STARD13: variants seen among roughly 807,000 people sequenced by gnomAD.
STARD13 encodes stAR-related lipid transfer protein 13.
STARD13 carries 62 observed loss-of-function variants against 106.4 expected under a neutral mutation model. The observed-to-expected ratio is 0.58, with a 90% CI of 0.48 to 0.72. The LOEUF is 0.72. STARD13 is among the 30% of genes least tolerant of loss of function. STARD13 has a pLI of 0.00. For synonymous variants in STARD13, 565 were observed against 553.0 expected (o/e 1.02, Z -0.31); for missense variants, 1,387 against 1,424.0 (o/e 0.97, Z 0.42).
chr13:33,568,328 TTGGGTACCCTGATG>T, the STARD13 span, among the ~76,000 whole-genome samples: 1 of 147,948 alleles, frequency 6.8e-6, no homozygotes, highest in East Asian at 2.0e-4. Flanking sequence ...CTCACGATGC[TTGGGTACCCTGATG>T]TGGTACTACC....
chr13:33,277,378 G>T (rs936291007), intron 1 of STARD13: 1 of 152,154 alleles, frequency 6.6e-6, no homozygotes, highest in African/African-American at 2.4e-5. Context: ...AAAGCAAGCA[G>T]ATTTTACTAA....
At chr13:33,491,786 C>T in the STARD13 span, among the ~76,000 whole-genome samples, 1 of 152,146 alleles carries the variant, frequency 6.6e-6, no homozygotes, top group Admixed American at 6.5e-5. Context: ...GGTTTGAAAC[C>T]TGTTGTCCCA....
the STARD13 span, among the ~76,000 whole-genome samples, chr13:33,432,833 TTAAC>T: frequency 1.1e-4 from 16 of 152,284 alleles, no homozygotes; most frequent in South Asian, 2.9e-3. Context: ...AAAATAAACA[TTAAC>T]TAATCTCAAA....
At chr13:33,208,768 G>A (rs1449144765) in intron 1 of STARD13, among the ~76,000 whole-genome samples, 1 of 152,222 alleles carries the variant, frequency 6.6e-6, no homozygotes, top group Admixed American at 6.5e-5. Context: ...AGAAAGACAT[G>A]TGAGTCCAGG....
At chr13:33,413,759 C>T in the STARD13 span, among the ~76,000 whole-genome samples, 2 of 152,110 alleles carry the variant, frequency 1.3e-5, no homozygotes, top group South Asian at 2.1e-4. Flanking sequence ...AGGCCAGGTG[C>T]GGTGGCTCAT....
the STARD13 span, among the ~76,000 whole-genome samples, chr13:33,436,851 A>G: frequency 3.3e-5 from 5 of 152,196 alleles, no homozygotes; most frequent in Non-Finnish European, 7.3e-5. Flanking sequence ...GACTGAGACC[A>G]GAGGAAAATG....
chr13:33,214,391 G>A (rs1372986627), intron 1 of STARD13, among the ~76,000 whole-genome samples: 4 of 152,158 alleles, frequency 2.6e-5, no homozygotes, highest in Non-Finnish European at 5.9e-5. Flanking sequence ...CAAAGCGTGG[G>A]TGGCCACAAG....
intron 1 of STARD13, chr13:33,205,730 T>C (rs757114728): frequency 2.9e-5 from 13 of 452,098 alleles, no homozygotes; most frequent in Middle Eastern, 1.1e-3. Flanking sequence ...AAACTTTTTA[T>C]ATCAATGACA....
At chr13:33,293,715 C>A (rs1348070061) in intron 1 of STARD13, among the ~76,000 whole-genome samples, 1 of 152,152 alleles carries the variant, frequency 6.6e-6, no homozygotes, top group African/African-American at 2.4e-5. Flanking sequence ...GCCAGCACAG[C>A]TAGAATATAA....
the STARD13 span, among the ~76,000 whole-genome samples, chr13:33,576,900 T>G: frequency 1.1e-4 from 16 of 152,342 alleles, no homozygotes; most frequent in Admixed American, 9.2e-4. Context: ...TTAGTGATTT[T>G]AATAACTTAA....
intron 1 of STARD13, among the ~76,000 whole-genome samples, chr13:33,266,874 A>T (rs1358583201): frequency 6.6e-6 from 1 of 152,258 alleles, no homozygotes; most frequent in Non-Finnish European, 1.5e-5. Context: ...ACACAATCCC[A>T]GAAAAGATCT....
chr13:33,475,430 G>A, the STARD13 span, among the ~76,000 whole-genome samples: 9 of 151,982 alleles, frequency 5.9e-5, no homozygotes, highest in Admixed American at 1.3e-4. Flanking sequence ...TGTGTCCTAC[G>A]CATTTCCAAC....
intron 1 of STARD13, among the ~76,000 whole-genome samples, chr13:33,214,400 A>G (rs1263529579): frequency 6.6e-6 from 1 of 152,196 alleles, no homozygotes; most frequent in African/African-American, 2.4e-5. Context: ...GGTGGCCACA[A>G]GCATTCCTGG....
chr13:33,285,340 T>G, intron 1 of STARD13, 130 bp downstream of exon 1: 2 of 990,372 alleles, frequency 2.0e-6, no homozygotes, highest in South Asian at 3.3e-5. Context: ...TTTTCAAAGT[T>G]ACGGGTAGTG....
the STARD13 span, among the ~76,000 whole-genome samples, chr13:33,527,270 T>C: frequency 6.6e-6 from 1 of 152,122 alleles, no homozygotes; most frequent in South Asian, 2.1e-4. Flanking sequence ...GTTCATATAT[T>C]ACTCAAACAA....
intron 7 of STARD13, among the ~76,000 whole-genome samples, chr13:33,125,758 T>C (rs376601594): frequency 6.6e-6 from 1 of 152,236 alleles, no homozygotes; most frequent in South Asian, 2.1e-4. Context: ...ACTGAAATAA[T>C]AGTTACAAAG....
At chr13:33,454,471 C>A in the STARD13 span, among the ~76,000 whole-genome samples, 1 of 152,200 alleles carries the variant, frequency 6.6e-6, no homozygotes, top group Non-Finnish European at 1.5e-5. Flanking sequence ...TATTCATCCA[C>A]TATTTTAGTT....
At chr13:33,474,856 C>A in the STARD13 span, among the ~76,000 whole-genome samples, 1 of 152,124 alleles carries the variant, frequency 6.6e-6, no homozygotes, top group African/African-American at 2.4e-5. Context: ...TGGCAAAAAT[C>A]CCCCTGCATT....
the STARD13 span, among the ~76,000 whole-genome samples, chr13:33,375,611 AAGG>A: frequency 4.6e-5 from 7 of 152,136 alleles, no homozygotes; most frequent in Non-Finnish European, 8.8e-5. Context: ...TGGCAGCAGC[AAGG>A]AGAAGTGCTG....
Sources: allele counts gnomAD v4.1 joint callset (sites outside exome capture counted in the v4.1 genomes callset), GRCh38; gene constraint gnomAD v4.1.1; transcripts MANE v1.5; gene names NCBI Gene and HGNC (gene_info 2026-07-23, HGNC 2026-07-21).